GALNT17: variants seen among roughly 807,000 people sequenced by gnomAD.
GALNT17 encodes the protein UDP-GalNAc:polypeptide N-acetylgalactosaminyltransferase-like 3.
A neutral mutation model predicts 63.7 loss-of-function variants in GALNT17; 29 were observed. That is an observed-to-expected ratio of 0.46 (90% confidence interval 0.34 to 0.62). The LOEUF (loss-of-function observed/expected upper bound fraction) is 0.62, where lower values mean the gene tolerates loss of function less well. Among genes scored for constraint, GALNT17 ranks in the 20% least tolerant of loss-of-function variants. The pLI, the probability that GALNT17 is intolerant of heterozygous loss-of-function variation, is 0.01. For synonymous variants in GALNT17, 305 were observed against 318.3 expected, an observed-to-expected ratio of 0.96 and a Z score of 0.45; for missense variants, 603 against 799.6, an observed-to-expected ratio of 0.75 and a Z score of 2.97.
chr7:71,232,779 A>C (rs1380267923), intron 1 of GALNT17, among the ~76,000 whole-genome samples: 3 of 152,224 alleles, frequency 2.0e-5, no homozygotes, highest in Middle Eastern at 3.4e-3. Flanking sequence ...TGGGTTATGC[A>C]GAAATTTCTA....
intron 1 of GALNT17, among the ~76,000 whole-genome samples, chr7:71,331,140 C>G (rs1430518394): frequency 6.6e-6 from 1 of 152,180 alleles, no homozygotes; most frequent in Non-Finnish European, 1.5e-5. Context: ...TATGCCCTGT[C>G]TTTTTGGGCA....
intron 2 of GALNT17, among the ~76,000 whole-genome samples, chr7:71,366,539 C>T (rs1792512756): frequency 6.6e-6 from 1 of 152,068 alleles, no homozygotes; most frequent in Non-Finnish European, 1.5e-5. Flanking sequence ...TGAGATCGTG[C>T]CATTGCACTC....
chr7:71,171,356 A>C (rs909490827), intron 1 of GALNT17, among the ~76,000 whole-genome samples: 9 of 152,168 alleles, frequency 5.9e-5, no homozygotes, highest in Non-Finnish European at 1.0e-4. Flanking sequence ...CCCATAAAAA[A>C]ATTAAAAATA....
At position 71,599,717 on chromosome 7, in the gene GALNT17, A is replaced by AC. The variant is rs200600852; in HGVS notation, c.1080+28323dup. Among the ~76,000 whole-genome samples, 1,389 of 150,016 alleles carry AC rather than the reference A, an allele frequency of 9.3e-3. 26 individuals are homozygous for AC. The highest frequency in any genetic ancestry group is 0.034 in the South Asian group (161 of 4,690). On this transcript the variant is annotated intron_variant, in intron 6 of 10. Coordinates refer to ENST00000333538, the MANE Select transcript of GALNT17 (RefSeq NM_022479.3). ...CTAAACATCCTACAACACACAGGAT[A>AC]CCCCCCCCACCCCACCTTAAGAAAT...
intron 1 of GALNT17, among the ~76,000 whole-genome samples, chr7:71,220,628 A>G (rs985797999): frequency 6.6e-6 from 1 of 152,080 alleles, no homozygotes; most frequent in African/African-American, 2.4e-5. Flanking sequence ...GTACTTGGAG[A>G]TAGGGCTTTG....
chr7:71,523,026 C>T (rs116937653), intron 5 of GALNT17, among the ~76,000 whole-genome samples: 6,901 of 152,038 alleles, frequency 0.045, 225 homozygotes, highest in Non-Finnish European at 0.074. Flanking sequence ...GGCAATGTAG[C>T]GAGACCTCGT....
At chr7:71,192,825 C>G (rs554570605) in intron 1 of GALNT17, among the ~76,000 whole-genome samples, 1 of 152,256 alleles carries the variant, frequency 6.6e-6, no homozygotes, top group East Asian at 1.9e-4. Context: ...AGTCTTTTTC[C>G]TGTTAGCCAT....
chr7:71,581,803 G>C (rs1789639217), intron 6 of GALNT17, among the ~76,000 whole-genome samples: 1 of 152,160 alleles, frequency 6.6e-6, no homozygotes, highest in Non-Finnish European at 1.5e-5. Flanking sequence ...AGTTTGAGGA[G>C]TAGCAGTTCT....
chr7:71,322,277 T>C (rs1791630665), intron 1 of GALNT17, among the ~76,000 whole-genome samples: 1 of 152,218 alleles, frequency 6.6e-6, no homozygotes, highest in East Asian at 1.9e-4. Flanking sequence ...CTGCTGACTG[T>C]GGATAAAGCT....
chr7:71,293,730 C>G (rs1294332317), intron 1 of GALNT17, among the ~76,000 whole-genome samples: 1 of 152,148 alleles, frequency 6.6e-6, no homozygotes, highest in Non-Finnish European at 1.5e-5. Flanking sequence ...GTTAGCAATT[C>G]TTCTTTCTTT....
At chr7:71,443,270 G>C (rs28737355) in intron 5 of GALNT17, among the ~76,000 whole-genome samples, 27,764 of 152,024 alleles carry the variant, frequency 0.18, 3,075 homozygotes, top group East Asian at 0.54. Flanking sequence ...TTCTGGGTAC[G>C]TGGGGAGAGG....
intron 6 of GALNT17, among the ~76,000 whole-genome samples, chr7:71,648,046 A>T (rs529340743): frequency 6.6e-6 from 1 of 152,324 alleles, no homozygotes; most frequent in South Asian, 2.1e-4. Context: ...GGGTCCTCAC[A>T]GTCATTATCT....
chr7:71,516,703 C>T (rs540972105), intron 5 of GALNT17, among the ~76,000 whole-genome samples: 3 of 152,236 alleles, frequency 2.0e-5, no homozygotes, highest in Admixed American at 6.5e-5. Flanking sequence ...AGGTGCTTTT[C>T]TTCCAGAGCA....
At chr7:71,353,823 C>A (rs886845966) in intron 2 of GALNT17, among the ~76,000 whole-genome samples, 2 of 152,078 alleles carry the variant, frequency 1.3e-5, no homozygotes, top group African/African-American at 4.8e-5. Flanking sequence ...TCTGGCATTG[C>A]TATAAAGAAA....
chr7:71,196,626 A>G (rs1399328698), intron 1 of GALNT17, among the ~76,000 whole-genome samples: 2 of 150,530 alleles, frequency 1.3e-5, no homozygotes, highest in African/African-American at 5.0e-5. Context: ...CTGTTGCTTA[A>G]TTAAAAAAAA....
intron 1 of GALNT17, among the ~76,000 whole-genome samples, chr7:71,167,080 T>A: frequency 7.6e-6 from 1 of 131,890 alleles, no homozygotes; most frequent in East Asian, 2.3e-4. Context: ...AGAGACAGGG[T>A]CTCTCTGTGT....
chr7:71,712,263 C>T lies in GALNT17; in HGVS notation c.*117C>T. 7.7e-6 allele frequency: 11 copies of T among 1,433,368 alleles called. No individual in the cohort carries two copies. The highest frequency in any genetic ancestry group is 9.2e-6 in the Non-Finnish European group (10 of 1,082,736). The allele number at this position is 1,433,368 out of a possible 1,614,324, so 88.8% of individuals were successfully genotyped here. On this transcript the variant is annotated 3_prime_UTR_variant, in exon 11 of 11. Coordinates refer to ENST00000333538, the MANE Select transcript of GALNT17 (RefSeq NM_022479.3). ...GGGGCCGGCAGGTGCTCGATGGGCCCCCCAGGGCTTCTCCAGGGCAGCACA... is the reference window on the plus strand; with the variant it reads ...GGGGCCGGCAGGTGCTCGATGGGCCTCCCAGGGCTTCTCCAGGGCAGCACA...
chr7:71,557,784 C>G (rs1383643458), intron 5 of GALNT17, among the ~76,000 whole-genome samples: 1 of 151,566 alleles, frequency 6.6e-6, no homozygotes, highest in Non-Finnish European at 1.5e-5. Flanking sequence ...GAATGAAACT[C>G]TTAAATACCC....
intron 6 of GALNT17, among the ~76,000 whole-genome samples, chr7:71,619,985 G>T (rs776955454): frequency 6.6e-6 from 1 of 152,102 alleles, no homozygotes; most frequent in Non-Finnish European, 1.5e-5. Flanking sequence ...TCTTTCGAGG[G>T]TGTTTATCAT....
Sources: allele counts gnomAD v4.1 joint callset (sites outside exome capture counted in the v4.1 genomes callset), GRCh38; gene constraint gnomAD v4.1.1; transcripts MANE v1.5; gene names NCBI Gene and HGNC (gene_info 2026-07-23, HGNC 2026-07-21).